FBXO10: variants seen among roughly 807,000 people sequenced by gnomAD.
FBXO10 encodes F-box only protein 10.
A neutral mutation model predicts 80.7 loss-of-function variants in FBXO10; 39 were observed. The observed-to-expected ratio is 0.48, with a 90% CI of 0.37 to 0.63. The LOEUF is 0.63. Ranked by LOEUF, FBXO10 falls within the 30% of genes least tolerant of loss-of-function variation. FBXO10 has a pLI of 0.00. For synonymous variants in FBXO10, 449 were observed against 489.6 expected (o/e 0.92, Z 1.09); for missense variants, 1,025 against 1,269.0 (o/e 0.81, Z 2.92).
Position 37,531,933 on chromosome 9 carries a change from C to A in FBXO10, c.1545G>T (p.Arg515=). ...YHNAEAGVDI[R]KKSNPLILCN... Reference sequence around the variant, plus strand: ...CCAGTATGAGTGGGTTGGACTTTTTCCGGATGTCTACACCAGCCTCTGCAT... The same window carrying A: ...CCAGTATGAGTGGGTTGGACTTTTTACGGATGTCTACACCAGCCTCTGCAT... The change falls in exon 4 of 11, where the codon CGG becomes CGT. Residue 515 remains arginine (R), a synonymous_variant. Coordinates refer to ENST00000432825, the MANE Select transcript of FBXO10 (RefSeq NM_012166.3). 6.2e-7 allele frequency: 1 copy of A among 1,613,880 alleles called. No individual in the cohort carries two copies.
At chr9:37,558,709 A>T (rs1166460868) in intron 1 of FBXO10, among the ~76,000 whole-genome samples, 6 of 152,048 alleles carry the variant, frequency 3.9e-5, no homozygotes, top group Non-Finnish European at 5.9e-5. Context: ...TTAATGTATC[A>T]CCCATTAGGT....
chr9:37,573,075 C>T (rs1822800772), intron 1 of FBXO10, among the ~76,000 whole-genome samples: 1 of 152,128 alleles, frequency 6.6e-6, no homozygotes. Flanking sequence ...CCTGGGGTAG[C>T]TATCTTGTTG....
intron 1 of FBXO10, among the ~76,000 whole-genome samples, chr9:37,553,583 T>C (rs1373007943): frequency 6.6e-6 from 1 of 151,734 alleles, no homozygotes; most frequent in Non-Finnish European, 1.5e-5. Context: ...ATTGAGAAAA[T>C]TGTAGATTCA....
intron 5 of FBXO10, 69 bp from the exon 6 acceptor site, chr9:37,525,241 C>T: frequency 3.5e-6 from 5 of 1,414,746 alleles, no homozygotes; most frequent in African/African-American, 1.4e-5. Flanking sequence ...CAGGAGACTG[C>T]CTTCTTTCAT....
intron 1 of FBXO10, 108 bp from the exon 2 acceptor site, chr9:37,541,882 G>A: frequency 2.2e-6 from 2 of 921,034 alleles, no homozygotes; most frequent in Non-Finnish European, 3.2e-6. Flanking sequence ...AGGCTGGAGT[G>A]CAGTGGTGCG....
At chr9:37,555,431 T>G (rs1474567398) in intron 1 of FBXO10, among the ~76,000 whole-genome samples, 1 of 151,996 alleles carries the variant, frequency 6.6e-6, no homozygotes, top group Non-Finnish European at 1.5e-5. Flanking sequence ...TGAAGCCCAG[T>G]GGTGCAATCT....
chr9:37,561,032 C>T (rs184263388), intron 1 of FBXO10, among the ~76,000 whole-genome samples: 1 of 152,172 alleles, frequency 6.6e-6, no homozygotes, highest in East Asian at 1.9e-4. Context: ...GTCCCAGCTA[C>T]TCAGGAGGCT....
intron 8 of FBXO10, among the ~76,000 whole-genome samples, chr9:37,519,992 T>C (rs765760410): frequency 6.6e-6 from 1 of 152,064 alleles, no homozygotes. Context: ...CCAGCTAATC[T>C]GAAAAAAATT....
intron 1 of FBXO10, among the ~76,000 whole-genome samples, chr9:37,570,029 G>C (rs1369300311): frequency 1.3e-5 from 2 of 152,218 alleles, no homozygotes; most frequent in Non-Finnish European, 2.9e-5. Context: ...CAACAAAGAA[G>C]GCTGGGCGCA....
At chr9:37,551,366 C>T (rs1822194407) in intron 1 of FBXO10, among the ~76,000 whole-genome samples, 1 of 152,168 alleles carries the variant, frequency 6.6e-6, no homozygotes, top group African/African-American at 2.4e-5. Context: ...TTGGGGGCAG[C>T]CCTGCTTCCA....
intron 1 of FBXO10, among the ~76,000 whole-genome samples, chr9:37,570,768 G>T (rs1051534298): frequency 6.6e-6 from 1 of 152,216 alleles, no homozygotes; most frequent in East Asian, 1.9e-4. Context: ...GCTGAGGCAG[G>T]TGAATCACGA....
intron 1 of FBXO10, among the ~76,000 whole-genome samples, chr9:37,556,885 T>C (rs1822350211): frequency 6.6e-6 from 1 of 152,180 alleles, no homozygotes; most frequent in South Asian, 2.1e-4. Context: ...AACCACAATC[T>C]GGATATTAGA....
chr9:37,559,456 C>T (rs1822421977), intron 1 of FBXO10, among the ~76,000 whole-genome samples: 1 of 152,228 alleles, frequency 6.6e-6, no homozygotes, highest in Admixed American at 6.5e-5. Flanking sequence ...CACTTAACCT[C>T]TCTGGGCCTC....
chr9:37,543,041 G>A (rs1385290700), intron 1 of FBXO10, among the ~76,000 whole-genome samples: 3 of 152,190 alleles, frequency 2.0e-5, no homozygotes, highest in African/African-American at 7.2e-5. Flanking sequence ...CTTGTTCCCA[G>A]ATCAAGTAAT....
At position 37,512,130 on chromosome 9, in the gene FBXO10, T is replaced by C. The variant is rs145786050; in HGVS notation, c.*417A>G. ...GAGACAGCTCTAGCAAAGGGGAAAA[T>C]TCTGGAGCAGTTGTCTCTCTCCACC... On this transcript the variant is annotated 3_prime_UTR_variant, in exon 11 of 11. Transcript: ENST00000432825. 6.5e-6 allele frequency: 1 copy of C among 153,942 alleles called. No homozygotes were observed. Among genetic ancestry groups the C allele is most frequent in the Non-Finnish European group, 1.4e-5 (1 of 69,366 alleles). 9.5% of individuals were successfully genotyped at this position (153,942 alleles called of 1,614,324 possible).
rs572694133 is a variant in FBXO10 at position 37,561,104 on chromosome 9, T to C, written c.-7+15107A>G. Among the ~76,000 whole-genome samples, 109 of 151,464 alleles carry C rather than the reference T, an allele frequency of 7.2e-4. 1 individual carries two copies. Among genetic ancestry groups the C allele is most frequent in the Middle Eastern group, 3.5e-3 (1 of 286 alleles). On this transcript the variant is annotated intron_variant, in intron 1 of 10. Coordinates refer to ENST00000432825, the MANE Select transcript of FBXO10 (RefSeq NM_012166.3). Reference sequence around the variant, plus strand: ...TTGCAGTGAGCCGAGATCGTGCCACTGCACTCTAGCCTGGGCGAAAGAGCA... The same window carrying C: ...TTGCAGTGAGCCGAGATCGTGCCACCGCACTCTAGCCTGGGCGAAAGAGCA...
At chr9:37,554,462 T>A (rs1434459518) in intron 1 of FBXO10, among the ~76,000 whole-genome samples, 2 of 152,208 alleles carry the variant, frequency 1.3e-5, no homozygotes, top group Admixed American at 6.5e-5. Flanking sequence ...TCCAGTAGTG[T>A]GTATTTGCAG....
intron 3 of FBXO10, among the ~76,000 whole-genome samples, chr9:37,535,162 C>G (rs889062242): frequency 6.6e-6 from 1 of 152,112 alleles, no homozygotes; most frequent in Non-Finnish European, 1.5e-5. Context: ...CCTATCATCA[C>G]CATAATTCAA....
At chr9:37,576,177 G>A (rs995441067) in intron 1 of FBXO10, 34 bp downstream of exon 1, 6 of 152,284 alleles carry the variant, frequency 3.9e-5, no homozygotes, top group Admixed American at 1.3e-4. Context: ...GGCCGCCCAA[G>A]TTCGCCCGCA....
Sources: gnomAD v4.1 joint callset for allele counts (sites outside exome capture counted in the v4.1 genomes callset) on GRCh38, gnomAD v4.1.1 for gene constraint, MANE v1.5 for transcripts, NCBI Gene and HGNC (gene_info 2026-07-23, HGNC 2026-07-21) for gene names.